Variants in TMEM164 observed in about 807,000 individuals in gnomAD.
TMEM164 encodes the protein transmembrane protein 164.
Under a neutral mutation model 18.8 loss-of-function variants are expected in TMEM164, and 4 were observed. That is an observed-to-expected ratio of 0.21 (90% confidence interval 0.10 to 0.49). The LOEUF is 0.49. Among genes scored for constraint, TMEM164 ranks in the 20% least tolerant of loss-of-function variants. TMEM164 has a pLI of 0.98. For missense variants in TMEM164, 108 were observed against 239.9 expected (o/e 0.45, Z 3.63); for synonymous variants, 86 against 101.7 (o/e 0.85, Z 0.93).
At chrX:110,155,141 G>T (rs1175653188) in intron 5 of TMEM164, among the ~76,000 whole-genome samples, 1 of 111,597 alleles carries the variant, frequency 9.0e-6, no homozygotes, top group East Asian at 2.8e-4. Flanking sequence ...AACCTTGCAT[G>T]AACTGAGAGC....
chrX:110,044,506 C>T (rs914223897), intron 2 of TMEM164, among the ~76,000 whole-genome samples: 1 of 103,884 alleles, frequency 9.6e-6, no homozygotes, highest in South Asian at 4.7e-4. Context: ...GTGGCGTGAT[C>T]ATAGCTCACT....
chrX:110,147,307 T>C (rs1197845107), intron 5 of TMEM164, among the ~76,000 whole-genome samples: 1 of 112,440 alleles, frequency 8.9e-6, no homozygotes, highest in African/African-American at 3.2e-5. Context: ...TTTTATTAGA[T>C]ACTGACAAAT....
In TMEM164 at chrX:110,109,062, A is replaced by G; in HGVS notation, c.441-18A>G. ...AGGGTCTGAGTATGACCTGAACTTTATCTTTCTCCCCCTCTAGGCTACAGA... is the reference window on the plus strand; with the variant it reads ...AGGGTCTGAGTATGACCTGAACTTTGTCTTTCTCCCCCTCTAGGCTACAGA... On this transcript the variant is annotated intron_variant, in intron 3 of 6. Coordinates refer to ENST00000372068, the MANE Select transcript of TMEM164 (RefSeq NM_032227.4). 1 of 1,207,765 alleles carries G rather than the reference A, an allele frequency of 8.3e-7. No homozygotes were observed. Among genetic ancestry groups the G allele is most frequent in the Non-Finnish European group, 1.1e-6 (1 of 892,522 alleles).
chrX:110,111,763 G>C (rs1301955382), intron 4 of TMEM164, among the ~76,000 whole-genome samples: 1 of 112,104 alleles, frequency 8.9e-6, no homozygotes, highest in East Asian at 2.8e-4. Flanking sequence ...TCTCATTGTA[G>C]AAGCATGAGA....
At chrX:110,136,099 A>G in intron 4 of TMEM164, among the ~76,000 whole-genome samples, 1 of 111,784 alleles carries the variant, frequency 8.9e-6, no homozygotes, top group Non-Finnish European at 1.9e-5. Context: ...TTAACCTAAG[A>G]ACGGTACCCC....
intron 2 of TMEM164, among the ~76,000 whole-genome samples, chrX:110,049,556 T>C (rs912716204): frequency 5.4e-5 from 6 of 111,240 alleles, no homozygotes; most frequent in African/African-American, 2.0e-4. Flanking sequence ...GTGATGATGC[T>C]CACTCATCTG....
intron 2 of TMEM164, chrX:110,046,119 A>G (rs1251824990): frequency 1.3e-6 from 1 of 754,380 alleles, no homozygotes; most frequent in East Asian, 1.5e-4. Context: ...AGTGCTGAAG[A>G]CTATTCTAGG....
intron 4 of TMEM164, among the ~76,000 whole-genome samples, chrX:110,121,885 G>T (rs1359457266): frequency 5.4e-5 from 6 of 111,769 alleles, no homozygotes; most frequent in Non-Finnish European, 1.1e-4. Flanking sequence ...ATTCTAGAGG[G>T]TGTGATGTCG....
intron 2 of TMEM164, among the ~76,000 whole-genome samples, chrX:110,038,123 T>C (rs978412650): frequency 6.6e-5 from 7 of 106,655 alleles, no homozygotes; most frequent in Non-Finnish European, 1.2e-4. Context: ...CCCAAGTAGC[T>C]GGGACTACAG....
intron 4 of TMEM164, among the ~76,000 whole-genome samples, chrX:110,133,471 G>A (rs2066641702): frequency 8.9e-6 from 1 of 111,983 alleles, no homozygotes; most frequent in African/African-American, 3.2e-5. Flanking sequence ...TTCTTATGAG[G>A]ACACTGGTCA....
At chrX:110,043,824 T>A (rs75485599) in intron 2 of TMEM164, among the ~76,000 whole-genome samples, 3,693 of 112,332 alleles carry the variant, frequency 0.033, 42 homozygotes, top group Non-Finnish European at 0.049. Flanking sequence ...ACATTTTTTT[T>A]AAAATAACAA....
intron 2 of TMEM164, among the ~76,000 whole-genome samples, chrX:110,034,834 T>C (rs1309978376): frequency 9.7e-6 from 1 of 102,582 alleles, no homozygotes; most frequent in Non-Finnish European, 2.0e-5. Context: ...TGTCCAACAA[T>C]GATAGACTGG....
At chrX:110,142,986 G>T (rs1218564409) in intron 4 of TMEM164, among the ~76,000 whole-genome samples, 1 of 112,421 alleles carries the variant, frequency 8.9e-6, no homozygotes, top group Admixed American at 9.4e-5. Flanking sequence ...GACACACCTG[G>T]GACTAGTGGC....
At chrX:110,144,680 G>T in intron 4 of TMEM164, 118 bp from the exon 5 acceptor site, 1 of 413,193 alleles carries the variant, frequency 2.4e-6, no homozygotes, top group Non-Finnish European at 4.2e-6. Context: ...AAGTGAATTG[G>T]TGAAATGCAT....
At chrX:110,084,430 AG>A (rs1358543477) in intron 3 of TMEM164, among the ~76,000 whole-genome samples, 5 of 90,710 alleles carry the variant, frequency 5.5e-5, no homozygotes, top group African/African-American at 2.0e-4. Context: ...TATATAGTAT[AG>A]TATATATATA....
At chrX:110,039,548 C>CT (rs1451645676) in intron 2 of TMEM164, among the ~76,000 whole-genome samples, 3 of 112,486 alleles carry the variant, frequency 2.7e-5, no homozygotes, top group African/African-American at 9.7e-5. Context: ...GGATGACAGC[C>CT]TTCTGCTAGC....
At chrX:110,052,917 A>AT (rs761357655) in intron 2 of TMEM164, among the ~76,000 whole-genome samples, 4 of 108,847 alleles carry the variant, frequency 3.7e-5, no homozygotes, top group Non-Finnish European at 7.7e-5. Flanking sequence ...TGCCCAGCTA[A>AT]TTTTTTTGTA....
intron 2 of TMEM164, among the ~76,000 whole-genome samples, chrX:110,052,837 G>A (rs1027274405): frequency 2.1e-5 from 2 of 95,309 alleles, no homozygotes; most frequent in Non-Finnish European, 4.0e-5. Flanking sequence ...TGCACCTTCC[G>A]CCTTCCAGGT....
chrX:110,163,345 T>C (rs1342447525), intron 5 of TMEM164, among the ~76,000 whole-genome samples: 3 of 112,527 alleles, frequency 2.7e-5, no homozygotes, highest in Non-Finnish European at 5.6e-5. Flanking sequence ...ATTTTAATAA[T>C]AGATCTTACT....
Sources: gnomAD v4.1 joint callset for allele counts (sites outside exome capture counted in the v4.1 genomes callset) on GRCh38, gnomAD v4.1.1 for gene constraint, MANE v1.5 for transcripts, NCBI Gene and HGNC (gene_info 2026-07-23, HGNC 2026-07-21) for gene names.